Variants in MACF1 observed in about 807,000 individuals in gnomAD.
MACF1 encodes microtubule-actin cross-linking factor 1.
In MACF1, 193 loss-of-function variants were observed where a neutral mutation model predicts 854.8. The ratio of observed to expected loss-of-function variants is 0.23; its 90% CI spans 0.20 to 0.25. The LOEUF is 0.25. MACF1 is among the 10% of genes least tolerant of loss of function. The pLI is 1.00. For missense variants in MACF1, 7,722 were observed against 8,929.1 expected (o/e 0.86, Z 5.45); for synonymous variants, 3,185 against 3,226.7 (o/e 0.99, Z 0.44).
chr1:39,313,982 G>A (rs1293606721), intron 26 of MACF1, among the ~76,000 whole-genome samples: 2 of 152,154 alleles, frequency 1.3e-5, no homozygotes, highest in African/African-American at 4.8e-5. Flanking sequence ...CTCAACCCTG[G>A]AAATCAACTG....
intron 2 of MACF1, among the ~76,000 whole-genome samples, chr1:39,123,353 G>C (rs1486381760): frequency 6.6e-6 from 1 of 150,676 alleles, no homozygotes; most frequent in Non-Finnish European, 1.5e-5. Flanking sequence ...GACCACAGGT[G>C]CATGCCATCA....
chr1:39,205,654 TG>T (rs1178226972), intron 1 of MACF1, among the ~76,000 whole-genome samples: 1 of 152,144 alleles, frequency 6.6e-6, no homozygotes, highest in African/African-American at 2.4e-5. Context: ...AGGGGCATCC[TG>T]GAACACTGGG....
intron 58 of MACF1, among the ~76,000 whole-genome samples, chr1:39,408,944 C>T (rs1268369335): frequency 6.6e-6 from 1 of 151,010 alleles, no homozygotes; most frequent in African/African-American, 2.5e-5. Context: ...CCCGCCGGGC[C>T]CCGCCCCCGC....
At chr1:39,176,206 A>T (rs1644025925) in intron 2 of MACF1, among the ~76,000 whole-genome samples, 1 of 146,116 alleles carries the variant, frequency 6.8e-6, no homozygotes, top group South Asian at 2.2e-4. Flanking sequence ...TGAACCCGGG[A>T]GACCCAGGTT....
rs532529554 is a variant in MACF1, at chr1:39,208,813, C to T, written c.109+3682C>T. Among the ~76,000 whole-genome samples the T allele has an allele frequency of 8.6e-5, 13 of 151,908 alleles. No homozygotes were observed. In the South Asian group the frequency reaches 2.3e-3, roughly 27 times the overall value. On this transcript the variant is annotated intron_variant, in intron 1 of 100. Transcript: ENST00000564288. ...CTAATTTTTGTATTTTTAGTAGAGACGGGGTTTCATCATGTTGGTCAGGCT... is the reference window on the plus strand; with the variant it reads ...CTAATTTTTGTATTTTTAGTAGAGATGGGGTTTCATCATGTTGGTCAGGCT...
At chr1:39,249,900 G>T in intron 2 of MACF1, 114 bp from the exon 3 acceptor site, 1 of 555,446 alleles carries the variant, frequency 1.8e-6, no homozygotes, top group Non-Finnish European at 3.2e-6. Context: ...TTTAATTGTT[G>T]CTTCCACTTT....
chr1:39,297,680 C>T lies in MACF1; in HGVS notation c.2416C>T (p.Arg806Ter). 2 of 1,614,150 alleles carry T rather than the reference C, an allele frequency of 1.2e-6. No homozygotes were observed. Among genetic ancestry groups the T allele is most frequent in the Non-Finnish European group, 1.7e-6 (2 of 1,180,026 alleles). ...FLRNLQDSIK[R>*]KYSCDHNTSL... The stretch of plus-strand genomic sequence containing the variant: ...GAGGAACCTCCAAGATTCCATTAAA[C>T]GAAAATATTCCTGTGACCACAACAC... Residue 806 changes from arginine (R) to a stop codon, truncating the protein, a stop_gained, in exon 21 of 101, where the codon CGA becomes TGA. Coordinates refer to ENST00000564288, the MANE Select transcript of MACF1 (RefSeq NM_001394062.1). LOFTEE classifies it high-confidence loss of function.
chr1:39,167,873 CAA>C (rs770717347), intron 2 of MACF1, among the ~76,000 whole-genome samples: 1 of 39,150 alleles, frequency 2.6e-5, no homozygotes, highest in African/African-American at 1.2e-4. Flanking sequence ...GACTCCGTCT[CAA>C]AAAAAAAAAA....
chr1:39,335,045 T>A lies in MACF1; in HGVS notation c.8457T>A (p.Asn2819Lys), dbSNP rs1292047921. 1 of 1,613,894 alleles carries A rather than the reference T, an allele frequency of 6.2e-7. No homozygotes were observed. Among genetic ancestry groups the A allele is most frequent in the African/African-American group, 1.3e-5 (1 of 74,896 alleles). ...GTGAGAGATTATTTCAAGTTGAAAA[T>A]CAGTCTGCACAAGAAAAGGTTAAAG... ...EESERLFQVE[N>K]QSAQEKVKVR... Residue 2819 changes from asparagine (N) to lysine (K), a missense_variant, in exon 37 of 101, where the codon AAT becomes AAA. Physicochemically the swap from Asn to Lys is moderately conservative, Grantham distance 94. Transcript: ENST00000564288.
At chr1:39,482,706 A>T (rs934261303) in intron 99 of MACF1, among the ~76,000 whole-genome samples, 23 of 150,018 alleles carry the variant, frequency 1.5e-4, no homozygotes, top group Non-Finnish European at 3.0e-4. Context: ...GAGGCAGGAG[A>T]TCACTTGAAC....
At chr1:39,138,109 T>A (rs1643230150) in intron 2 of MACF1, among the ~76,000 whole-genome samples, 1 of 148,686 alleles carries the variant, frequency 6.7e-6, no homozygotes, top group African/African-American at 2.5e-5. Flanking sequence ...TGAAACAGTA[T>A]TGGAAGCTTT....
rs1224097091 is a variant in MACF1, at chr1:39,480,917, C to T, written c.22171-3C>T. On this transcript the variant is annotated splice_polypyrimidine_tract_variant and splice_region_variant and intron_variant, in intron 98 of 100. Transcript: ENST00000564288. Reference sequence around the variant, plus strand: ...TCCTTCCCTTTGGATTTCCGTTTCACAGACTTCACTTCAGTTCTCTCGCTG... The same window carrying T: ...TCCTTCCCTTTGGATTTCCGTTTCATAGACTTCACTTCAGTTCTCTCGCTG... 1 of 1,517,256 alleles carries T rather than the reference C, an allele frequency of 6.6e-7. No individual in the cohort carries two copies. The allele number at this position is 1,517,256 out of a possible 1,614,324, so 94.0% of individuals were successfully genotyped here.
rs143261796 is a variant in MACF1 at position 39,206,857 on chromosome 1, C to G, written c.109+1726C>G. On this transcript the variant is annotated intron_variant, in intron 1 of 100. Transcript: ENST00000564288. ...TATTTTTAAAAATAATATGTACACT[C>G]TAATTACCTGCCAGTTGGACATCAC... The G allele has an allele frequency of 6.6e-5, 10 of 152,120 alleles. No homozygotes were observed. In the East Asian group the frequency reaches 1.9e-3, roughly 29 times the overall value. The allele number at this position is 152,120 out of a possible 1,614,324, so 9.4% of individuals were successfully genotyped here. A position where few individuals can be genotyped will look rare whatever the true frequency, so the allele number is the denominator to read the frequency against.
rs1645591352 is a variant in MACF1 at position 39,283,545 on chromosome 1, T to C, written c.915+30T>C. ...AAGAACATTTTCCTAGAAGGCCTTC[T>C]GACTTTGATTCATTTGGGTGAAATG... On this transcript the variant is annotated intron_variant, in intron 9 of 100. Coordinates refer to ENST00000564288, the MANE Select transcript of MACF1 (RefSeq NM_001394062.1). The surrounding 1 kb of genome is among the most constrained non-coding windows in gnomAD (Gnocchi z 4.5). The C allele has an allele frequency of 6.8e-7, 1 of 1,468,980 alleles. No individual in the cohort carries two copies. The highest frequency in any genetic ancestry group is 1.7e-5 in the Admixed American group (1 of 59,654). The allele number at this position is 1,468,980 out of a possible 1,614,324, so 91.0% of individuals were successfully genotyped here. A position where few individuals can be genotyped will look rare whatever the true frequency, so the allele number is the denominator to read the frequency against.
chr1:39,122,758 G>A (rs1642749084), intron 2 of MACF1, among the ~76,000 whole-genome samples: 1 of 152,176 alleles, frequency 6.6e-6, no homozygotes, highest in African/African-American at 2.4e-5. Context: ...AATGATGAGA[G>A]TAAATAACCC....
chr1:39,227,719 A>G (rs940037971), intron 1 of MACF1, among the ~76,000 whole-genome samples: 1 of 152,178 alleles, frequency 6.6e-6, no homozygotes, highest in Non-Finnish European at 1.5e-5. Flanking sequence ...ATACCATCCT[A>G]TCTCGCCACT....
chr1:39,428,073 A>G lies in MACF1; in HGVS notation c.16589A>G (p.Lys5530Arg). The G allele has an allele frequency of 6.2e-7, 1 of 1,614,194 alleles. No homozygotes were observed. The highest frequency in any genetic ancestry group is 1.3e-5 in the African/African-American group (1 of 75,040). The change falls in exon 63 of 101, where the codon AAG (lysine) becomes AGG (arginine). Residue 5530 changes from lysine (K) to arginine (R), a missense_variant. Physicochemically the swap from Lys to Arg is conservative, Grantham distance 26. Around this residue, in one of 15 missense-constraint regions of MACF1, gnomAD observed 2,807 missense variants for 3,235.8 expected, o/e 0.87. Transcript: ENST00000564288. ...GCAGAACAGGGTGTGCTGTCAGAAA[A>G]GATAGACTCATTGCAGGCCCGATAC... ...SPAEQGVLSE[K>R]IDSLQARYSE...
chr1:39,268,514 T>G, intron 6 of MACF1: 1 of 1,154,132 alleles, frequency 8.7e-7, no homozygotes, highest in South Asian at 1.8e-5. Context: ...GATGGCTGTC[T>G]GAATCGGCAG....
intron 2 of MACF1, among the ~76,000 whole-genome samples, chr1:39,104,427 A>G (rs1642168025): frequency 6.6e-6 from 1 of 152,210 alleles, no homozygotes; most frequent in African/African-American, 2.4e-5. Context: ...ATGACAAAGA[A>G]TAATTGGCTT....
Sources: gnomAD v4.1 joint callset for allele counts (sites outside exome capture counted in the v4.1 genomes callset) on GRCh38, gnomAD v4.1.1 for gene constraint, gnomAD v4.1.1 regional missense constraint, Gnocchi (gnomAD v3.1) non-coding constraint, MANE v1.5 for transcripts, NCBI Gene and HGNC (gene_info 2026-07-23, HGNC 2026-07-21) for gene names.